KAT6B: variants seen among roughly 807,000 people sequenced by gnomAD.
The protein encoded by KAT6B is histone acetyltransferase KAT6B.
In KAT6B, 10 loss-of-function variants were observed where a neutral mutation model predicts 187.5. That is an observed-to-expected ratio of 0.05 (90% CI 0.03 to 0.09). The LOEUF (loss-of-function observed/expected upper bound fraction) is 0.09, where lower values mean the gene tolerates loss of function less well. KAT6B is among the 10% of genes least tolerant of loss of function. KAT6B has a pLI of 1.00. For synonymous variants in KAT6B, 861 were observed against 926.8 expected, an observed-to-expected ratio of 0.93 and a Z score of 1.29; for missense variants, 1,952 against 2,558.9, an observed-to-expected ratio of 0.76 and a Z score of 5.12.
intron 3 of KAT6B, among the ~76,000 whole-genome samples, chr10:74,919,593 G>A (rs1847963781): frequency 6.6e-6 from 1 of 151,972 alleles, no homozygotes; most frequent in African/African-American, 2.4e-5. Context: ...AGTAGAGATG[G>A]GATTTCATCA....
intron 1 of KAT6B, among the ~76,000 whole-genome samples, chr10:74,828,663 G>T (rs1266582345): frequency 6.6e-6 from 1 of 150,676 alleles, no homozygotes; most frequent in Non-Finnish European, 1.5e-5. Context: ...CGCCTCCCGG[G>T]TTCACGCCAT....
intron 1 of KAT6B, among the ~76,000 whole-genome samples, chr10:74,828,027 G>A (rs1455052810): frequency 2.0e-5 from 3 of 152,062 alleles, no homozygotes; most frequent in African/African-American, 4.8e-5. Context: ...GGGTATCCCA[G>A]GAAGAGACAT....
rs913559908 is a variant in KAT6B at position 74,843,460 on chromosome 10, A to G, written c.603A>G (p.Leu201=). The change falls in exon 3 of 18, where the codon CTA becomes CTG. Residue 201 remains leucine (L), a synonymous_variant. Transcript: ENST00000287239. ...CCTCGCTCCCACCTGTCAGCCTTCT[A>G]CCCCATGAGAAAGACCAGGTAAGCG... ...FPSSLPPVSL[L]PHEKDQPRAD... is the part of the protein sequence containing the mutation. 3.7e-6 allele frequency: 6 copies of G among 1,613,466 alleles called. No individual in the cohort carries two copies. In the African/African-American group the frequency reaches 6.7e-5, roughly 18 times the overall value.
At chr10:74,838,021 G>A (rs1841443145) in intron 1 of KAT6B, among the ~76,000 whole-genome samples, 1 of 152,016 alleles carries the variant, frequency 6.6e-6, no homozygotes, top group Non-Finnish European at 1.5e-5. Flanking sequence ...GAGGATCCAA[G>A]GTTGCTTGAT....
At chr10:74,925,106 C>G (rs1287550594) in intron 3 of KAT6B, among the ~76,000 whole-genome samples, 1 of 152,134 alleles carries the variant, frequency 6.6e-6, no homozygotes, top group Non-Finnish European at 1.5e-5. Flanking sequence ...GTGACATGAT[C>G]TCGGCTCACT....
intron 3 of KAT6B, among the ~76,000 whole-genome samples, chr10:74,954,877 C>G (rs1025810539): frequency 6.6e-6 from 1 of 152,172 alleles, no homozygotes; most frequent in African/African-American, 2.4e-5. Context: ...GTACTAGCAT[C>G]TCCCCGCTCT....
intron 13 of KAT6B, among the ~76,000 whole-genome samples, chr10:74,999,482 A>G (rs780264192): frequency 2.6e-5 from 4 of 152,216 alleles, no homozygotes; most frequent in Non-Finnish European, 5.9e-5. Flanking sequence ...GAGTGTTAAC[A>G]TCTAAGGGAC....
At chr10:74,830,845 T>C (rs754871909) in intron 1 of KAT6B, among the ~76,000 whole-genome samples, 8 of 131,856 alleles carry the variant, frequency 6.1e-5, no homozygotes, top group Non-Finnish European at 1.1e-4. Flanking sequence ...TGGAGTGCAG[T>C]GGCGTGATCT....
intron 13 of KAT6B, among the ~76,000 whole-genome samples, chr10:74,991,944 G>C (rs536141009): frequency 6.6e-6 from 1 of 152,292 alleles, no homozygotes; most frequent in East Asian, 1.9e-4. Context: ...CAAAATGATT[G>C]AAATCCAGCC....
At chr10:74,879,163 TCACTCTACA>T (rs1012570471) in intron 3 of KAT6B, among the ~76,000 whole-genome samples, 1 of 152,188 alleles carries the variant, frequency 6.6e-6, no homozygotes, top group African/African-American at 2.4e-5. Flanking sequence ...TTTGCATCAG[TCACTCTACA>T]CATTATCTGC....
chr10:75,024,560 G>C (rs1274434127), intron 16 of KAT6B, among the ~76,000 whole-genome samples: 2 of 152,198 alleles, frequency 1.3e-5, no homozygotes. Flanking sequence ...TTAACCCAGT[G>C]GCTAGTTAAT....
chr10:74,969,684 G>C lies in KAT6B; in HGVS notation c.755G>C (p.Cys252Ser). The change falls in exon 5 of 18, where the codon TGT (cysteine) becomes TCT (serine). Residue 252 changes from cysteine to serine, a missense_variant. This residue lies in a region of KAT6B where 24 missense variants were observed against 42.7 expected (regional missense o/e 0.56). Coordinates refer to ENST00000287239, the MANE Select transcript of KAT6B (RefSeq NM_012330.4). ...GGACACCCATCCTGTTTGAAATTTTGTCCTGAATTAACAACAAATGTAAAG... is the reference window on the plus strand; with the variant it reads ...GGACACCCATCCTGTTTGAAATTTTCTCCTGAATTAACAACAAATGTAAAG... Reference protein sequence around the residue: ...SSGHPSCLKFCPELTTNVKAL... With the variant: ...SSGHPSCLKFSPELTTNVKAL... 6.2e-7 allele frequency: 1 copy of C among 1,613,570 alleles called. No homozygotes were observed. The highest frequency in any genetic ancestry group is 8.5e-7 in the Non-Finnish European group (1 of 1,179,506).
intron 13 of KAT6B, among the ~76,000 whole-genome samples, chr10:75,018,778 A>G (rs1845175091): frequency 6.6e-6 from 1 of 152,198 alleles, no homozygotes; most frequent in African/African-American, 2.4e-5. Context: ...AAGCACCAGT[A>G]GAGGACCTGG....
At chr10:74,889,718 A>T (rs989210452) in intron 3 of KAT6B, among the ~76,000 whole-genome samples, 1 of 152,210 alleles carries the variant, frequency 6.6e-6, no homozygotes, top group Non-Finnish European at 1.5e-5. Context: ...AAAGAGCCAA[A>T]GGAATAAATG....
intron 3 of KAT6B, among the ~76,000 whole-genome samples, chr10:74,869,241 T>C (rs1843749164): frequency 6.6e-6 from 1 of 152,172 alleles, no homozygotes; most frequent in Non-Finnish European, 1.5e-5. Flanking sequence ...TATATACAGC[T>C]ATGCAGTTTT....
At chr10:74,914,642 T>C (rs1847520268) in intron 3 of KAT6B, among the ~76,000 whole-genome samples, 1 of 152,214 alleles carries the variant, frequency 6.6e-6, no homozygotes, top group African/African-American at 2.4e-5. Flanking sequence ...CCATCGTTTT[T>C]TGAATTCAAC....
intron 13 of KAT6B, 52 bp from the exon 14 acceptor site, chr10:75,020,529 TA>T: frequency 7.8e-7 from 1 of 1,275,616 alleles, no homozygotes; most frequent in Non-Finnish European, 1.1e-6. Context: ...GCTCCTGTTC[TA>T]AGCTCTGGGA....
chr10:74,879,352 T>C (rs1303857086), intron 3 of KAT6B, among the ~76,000 whole-genome samples: 1 of 152,190 alleles, frequency 6.6e-6, no homozygotes, highest in Non-Finnish European at 1.5e-5. Context: ...TCCTAGTCTT[T>C]CCCCATATCC....
At chr10:74,867,214 C>T (rs889133085) in intron 3 of KAT6B, among the ~76,000 whole-genome samples, 2 of 152,104 alleles carry the variant, frequency 1.3e-5, no homozygotes, top group African/African-American at 4.8e-5. Flanking sequence ...TTGCCTGACT[C>T]TCGAAGCATA....
Sources: gnomAD v4.1 joint callset for allele counts (sites outside exome capture counted in the v4.1 genomes callset) on GRCh38, gnomAD v4.1.1 for gene constraint, gnomAD v4.1.1 regional missense constraint, MANE v1.5 for transcripts, NCBI Gene and HGNC (gene_info 2026-07-23, HGNC 2026-07-21) for gene names.